The following TBCA variants were observed in gnomAD, a reference collection of about 807,000 sequenced individuals.
The protein encoded by TBCA is tubulin-specific chaperone A.
TBCA carries 6 observed loss-of-function variants against 15.8 expected under a neutral mutation model. The observed-to-expected ratio is 0.38, with a 90% CI of 0.21 to 0.75. The LOEUF (loss-of-function observed/expected upper bound fraction) is 0.75. TBCA is among the 30% of genes least tolerant of loss of function. The pLI is 0.46. For missense variants in TBCA, 90 were observed against 131.2 expected (o/e 0.69, Z 1.53); for synonymous variants, 32 against 42.3 (o/e 0.76, Z 0.94).
At chr5:77,712,206 A>C (rs1280650743) in intron 1 of TBCA, among the ~76,000 whole-genome samples, 1 of 152,190 alleles carries the variant, frequency 6.6e-6, no homozygotes, top group African/African-American at 2.4e-5. Context: ...TAGTTTTATC[A>C]GTTGACATAC....
intron 1 of TBCA, among the ~76,000 whole-genome samples, chr5:77,765,142 C>T (rs1747741045): frequency 6.6e-6 from 1 of 152,148 alleles, no homozygotes. Flanking sequence ...ATCTTTATGT[C>T]TGGAAGAGAA....
intron 1 of TBCA, among the ~76,000 whole-genome samples, chr5:77,709,627 T>G (rs1264189022): frequency 1.3e-5 from 2 of 152,168 alleles, no homozygotes; most frequent in East Asian, 1.9e-4. Flanking sequence ...AGTTTAACTA[T>G]TCCTCAAAAA....
intron 1 of TBCA, among the ~76,000 whole-genome samples, chr5:77,731,627 A>C (rs1746771306): frequency 6.6e-6 from 1 of 152,050 alleles, no homozygotes; most frequent in Non-Finnish European, 1.5e-5. Context: ...CCGTATCTCT[A>C]TCTTTTATCT....
At chr5:77,703,959 C>T (rs923180911) in intron 2 of TBCA, among the ~76,000 whole-genome samples, 2 of 152,106 alleles carry the variant, frequency 1.3e-5, no homozygotes, top group South Asian at 4.2e-4. Context: ...TTTCAAAGTG[C>T]GGCACTTCCC....
chr5:77,751,416 C>T (rs1477622788), intron 1 of TBCA, among the ~76,000 whole-genome samples: 4 of 151,850 alleles, frequency 2.6e-5, no homozygotes, highest in African/African-American at 9.7e-5. Flanking sequence ...TGACCTCAGG[C>T]GATCCACCTG....
chr5:77,705,987 G>T (rs1230156504), intron 2 of TBCA, among the ~76,000 whole-genome samples: 3 of 152,040 alleles, frequency 2.0e-5, no homozygotes, highest in African/African-American at 7.2e-5. Context: ...TCTCCTAAAA[G>T]CTTAATAAAA....
Position 77,691,255 on chromosome 5 carries a change from C to G in TBCA, c.*163G>C. On this transcript the variant is annotated 3_prime_UTR_variant, in exon 4 of 4. Coordinates refer to ENST00000380377, the MANE Select transcript of TBCA (RefSeq NM_004607.3). ...AAAATAAACAATTTTATTAGATGAACTCATTTATTTGACATATTAAATTAG... is the reference window on the plus strand; with the variant it reads ...AAAATAAACAATTTTATTAGATGAAGTCATTTATTTGACATATTAAATTAG... 1 of 625,032 alleles carries G rather than the reference C, an allele frequency of 1.6e-6. No homozygotes were observed. The allele number at this position is 625,032 out of a possible 1,614,324, so 38.7% of individuals were successfully genotyped here.
chr5:77,772,932 T>C (rs1747946514), intron 1 of TBCA, among the ~76,000 whole-genome samples: 1 of 152,240 alleles, frequency 6.6e-6, no homozygotes, highest in Non-Finnish European at 1.5e-5. Flanking sequence ...CTACTTGAAC[T>C]AAGTAATTTT....
intron 1 of TBCA, among the ~76,000 whole-genome samples, chr5:77,751,568 T>C (rs1268480150): frequency 6.6e-6 from 1 of 151,988 alleles, no homozygotes; most frequent in Non-Finnish European, 1.5e-5. Flanking sequence ...GTTCCAATTT[T>C]ATTTTTGATT....
intron 1 of TBCA, among the ~76,000 whole-genome samples, chr5:77,745,402 A>G (rs1408499279): frequency 6.6e-6 from 1 of 152,246 alleles, no homozygotes; most frequent in Non-Finnish European, 1.5e-5. Flanking sequence ...AATTCAAAGT[A>G]CTGTCTTTGC....
chr5:77,711,749 A>AT (rs1309387790), intron 1 of TBCA, among the ~76,000 whole-genome samples: 1 of 152,212 alleles, frequency 6.6e-6, no homozygotes, highest in Non-Finnish European at 1.5e-5. Context: ...AATCCAAGTC[A>AT]TCCTACTTCA....
intron 1 of TBCA, among the ~76,000 whole-genome samples, chr5:77,765,512 G>GTCCT (rs1747750642): frequency 6.6e-6 from 1 of 152,218 alleles, no homozygotes; most frequent in South Asian, 2.1e-4. Context: ...TGAAGCCCAA[G>GTCCT]TCCTTACATG....
intron 1 of TBCA, among the ~76,000 whole-genome samples, chr5:77,773,330 T>A (rs1747953458): frequency 1.8e-5 from 2 of 112,912 alleles, no homozygotes; most frequent in African/African-American, 6.8e-5. Context: ...TAGTGTGACT[T>A]TAGACAAGTT....
At chr5:77,775,666 G>C (rs542896402) in intron 1 of TBCA, among the ~76,000 whole-genome samples, 1 of 152,256 alleles carries the variant, frequency 6.6e-6, no homozygotes, top group Non-Finnish European at 1.5e-5. Context: ...GAGTGTGCTA[G>C]AAGTTCAGGC....
At chr5:77,708,601 GCT>G (rs1746203076) in intron 1 of TBCA, 1 of 207,506 alleles carries the variant, frequency 4.8e-6, no homozygotes, top group African/African-American at 2.3e-5. Flanking sequence ...AGACAGTCTC[GCT>G]CTGTCTCCCA....
At chr5:77,758,256 C>T (rs1747524258) in intron 1 of TBCA, among the ~76,000 whole-genome samples, 2 of 152,122 alleles carry the variant, frequency 1.3e-5, no homozygotes, top group South Asian at 2.1e-4. Context: ...GGCGGCCTGG[C>T]ACCAGGCCCA....
intron 3 of TBCA, chr5:77,692,229 A>G (rs1745765406): frequency 1.0e-6 from 1 of 985,260 alleles, no homozygotes; most frequent in South Asian, 4.7e-5. Context: ...TACAAACAGT[A>G]GAGGAAATAA....
intron 1 of TBCA, among the ~76,000 whole-genome samples, chr5:77,735,056 A>G (rs1319967923): frequency 6.6e-6 from 1 of 152,252 alleles, no homozygotes; most frequent in African/African-American, 2.4e-5. Context: ...CAGAGCAAAC[A>G]TAACTTTTAT....
intron 2 of TBCA, among the ~76,000 whole-genome samples, chr5:77,703,125 A>G (rs1580094000): frequency 6.6e-6 from 1 of 152,254 alleles, no homozygotes; most frequent in African/African-American, 2.4e-5. Context: ...TTTTTCAAAA[A>G]GATGAATTTT....
Sources: gnomAD v4.1 joint callset for allele counts (sites outside exome capture counted in the v4.1 genomes callset) on GRCh38, gnomAD v4.1.1 for gene constraint, MANE v1.5 for transcripts, NCBI Gene and HGNC (gene_info 2026-07-23, HGNC 2026-07-21) for gene names.